Variants in CALD1 observed in about 807,000 individuals in gnomAD.
CALD1 encodes the protein caldesmon 1.
A neutral mutation model predicts 99.9 loss-of-function variants in CALD1; 33 were observed. The observed-to-expected ratio is 0.33, with a 90% CI of 0.25 to 0.44. The LOEUF (loss-of-function observed/expected upper bound fraction) is 0.44. Ranked by LOEUF, CALD1 falls within the 20% of genes least tolerant of loss-of-function variation. CALD1 has a pLI of 1.00. For missense variants in CALD1, 861 were observed against 962.1 expected (o/e 0.89, Z 1.39); for synonymous variants, 310 against 325.0 (o/e 0.95, Z 0.50).
chr7:134,756,272 C>CATAA (rs1796727705), intron 1 of CALD1, among the ~76,000 whole-genome samples: 1 of 76,866 alleles, frequency 1.3e-5, no homozygotes, highest in Admixed American at 1.9e-4. Flanking sequence ...GACTTTGTCT[C>CATAA]AAAAAAAAAA....
At chr7:134,812,749 T>C (rs776904042) in intron 1 of CALD1, among the ~76,000 whole-genome samples, 1 of 152,138 alleles carries the variant, frequency 6.6e-6, no homozygotes, top group Non-Finnish European at 1.5e-5. Flanking sequence ...AGGCATTTGA[T>C]TGGAATTGTT....
intron 3 of CALD1, among the ~76,000 whole-genome samples, chr7:134,920,053 A>C (rs1804499297): frequency 6.6e-6 from 1 of 152,238 alleles, no homozygotes; most frequent in Admixed American, 6.5e-5. Context: ...ACATATAAAC[A>C]AAATCATATT....
intron 3 of CALD1, among the ~76,000 whole-genome samples, chr7:134,889,278 T>C (rs1339523256): frequency 2.0e-5 from 3 of 152,196 alleles, no homozygotes. Flanking sequence ...CTTTTCCAGC[T>C]TCTAGAGGAA....
chr7:134,798,592 C>T (rs1032936009), intron 1 of CALD1, among the ~76,000 whole-genome samples: 1 of 152,174 alleles, frequency 6.6e-6, no homozygotes, highest in Non-Finnish European at 1.5e-5. Flanking sequence ...AGTGACGTTC[C>T]CCCAAATCTT....
chr7:134,819,627 C>A (rs757300056), intron 1 of CALD1, among the ~76,000 whole-genome samples: 1 of 152,212 alleles, frequency 6.6e-6, no homozygotes, highest in African/African-American at 2.4e-5. Flanking sequence ...GTATTGAAAT[C>A]ATCTCTACCA....
At chr7:134,879,893 C>A (rs1165048556) in intron 3 of CALD1, among the ~76,000 whole-genome samples, 1 of 152,118 alleles carries the variant, frequency 6.6e-6, no homozygotes, top group Non-Finnish European at 1.5e-5. Flanking sequence ...ACATACAGTT[C>A]CTTTGTTGGG....
chr7:134,881,474 A>G (rs1261802823), intron 3 of CALD1, among the ~76,000 whole-genome samples: 1 of 152,186 alleles, frequency 6.6e-6, no homozygotes, highest in Non-Finnish European at 1.5e-5. Context: ...GAGAACTAAC[A>G]CTTCTCAGGG....
intron 1 of CALD1, among the ~76,000 whole-genome samples, chr7:134,804,910 C>G (rs954137544): frequency 1.3e-5 from 2 of 152,128 alleles, no homozygotes; most frequent in Admixed American, 6.6e-5. Flanking sequence ...TAGGGGAGAT[C>G]AAAGTTTTAT....
chr7:134,886,208 G>C (rs1801845100), intron 3 of CALD1, among the ~76,000 whole-genome samples: 1 of 152,160 alleles, frequency 6.6e-6, no homozygotes. Context: ...ATGCAAACAA[G>C]AGTGGGCTCA....
chr7:134,895,517 A>T (rs1041019689), intron 3 of CALD1, among the ~76,000 whole-genome samples: 10 of 152,114 alleles, frequency 6.6e-5, no homozygotes, highest in African/African-American at 2.4e-4. Context: ...TTATTATGTG[A>T]TGTCTTCCAT....
intron 1 of CALD1, among the ~76,000 whole-genome samples, chr7:134,763,106 A>G (rs1344086805): frequency 6.6e-6 from 1 of 152,194 alleles, no homozygotes; most frequent in Non-Finnish European, 1.5e-5. Flanking sequence ...CTGTCTATCT[A>G]ATCGATCTCT....
At chr7:134,781,230 T>C (rs777519410) in intron 1 of CALD1, among the ~76,000 whole-genome samples, 1 of 152,222 alleles carries the variant, frequency 6.6e-6, no homozygotes, top group Admixed American at 6.5e-5. Flanking sequence ...AATCAAAATA[T>C]GGAGAGCAAT....
At chr7:134,766,242 C>T (rs531550755) in intron 1 of CALD1, among the ~76,000 whole-genome samples, 12 of 144,582 alleles carry the variant, frequency 8.3e-5, no homozygotes, top group Non-Finnish European at 1.8e-4. Context: ...ACCTCTGCCT[C>T]CTGGGTTCAA....
chr7:134,886,721 T>C (rs1233259218), intron 3 of CALD1, among the ~76,000 whole-genome samples: 1 of 152,232 alleles, frequency 6.6e-6, no homozygotes, highest in Non-Finnish European at 1.5e-5. Flanking sequence ...GGAAATCTAG[T>C]TCGATAACAG....
chr7:134,928,961 A>T, intron 4 of CALD1, 61 bp downstream of exon 4: 1 of 1,430,624 alleles, frequency 7.0e-7, no homozygotes, highest in East Asian at 2.4e-5. Flanking sequence ...CGTTGAATGG[A>T]ATTTGTTGAG....
chr7:134,863,224 C>T (rs775674331), intron 2 of CALD1, among the ~76,000 whole-genome samples: 14 of 152,154 alleles, frequency 9.2e-5, no homozygotes, highest in Non-Finnish European at 1.6e-4. Flanking sequence ...ACTCTCTATT[C>T]GCTTTTTTTC....
the CALD1 span, among the ~76,000 whole-genome samples, chr7:134,735,717 T>C: frequency 5.9e-5 from 9 of 152,190 alleles, no homozygotes; most frequent in Admixed American, 1.3e-4. Context: ...CACTGTCCTA[T>C]TGCCGTAAGG....
At chr7:134,928,126 G>T in intron 3 of CALD1, 1 of 300,068 alleles carries the variant, frequency 3.3e-6, no homozygotes, top group Non-Finnish European at 6.9e-6. Context: ...CAATACTTTG[G>T]GTCCCTTCTT....
intron 1 of CALD1, among the ~76,000 whole-genome samples, chr7:134,812,584 A>T (rs10954473): frequency 0.51 from 54,280 of 107,276 alleles, 10,724 homozygotes; most frequent in East Asian, 0.74. Context: ...AAGAATAGTT[A>T]AAAAAAAAAA....
Sources: allele counts gnomAD v4.1 joint callset (sites outside exome capture counted in the v4.1 genomes callset), GRCh38; gene constraint gnomAD v4.1.1; transcripts MANE v1.5; gene names NCBI Gene and HGNC (gene_info 2026-07-23, HGNC 2026-07-21).